The following RILPL2 variants were observed in gnomAD, a reference collection of about 807,000 sequenced individuals.
The protein encoded by RILPL2 is Rab interacting lysosomal protein like 2, also known as RILP-like protein 2.
Under a neutral mutation model 22.2 loss-of-function variants are expected in RILPL2, and 19 were observed. That is an observed-to-expected ratio of 0.86 (90% CI 0.60 to 1.25). The LOEUF is 1.25. Ranked by LOEUF, RILPL2 falls within the 50% of genes most tolerant of loss-of-function variation. The pLI is 0.00. For missense variants in RILPL2, 243 were observed against 263.6 expected (o/e 0.92, Z 0.54); for synonymous variants, 123 against 111.6 (o/e 1.10, Z -0.64).
At chr12:123,431,010 A>T (rs1454972310) in intron 1 of RILPL2, among the ~76,000 whole-genome samples, 1 of 151,916 alleles carries the variant, frequency 6.6e-6, no homozygotes, top group African/African-American at 2.4e-5. Flanking sequence ...ACGCCTGGCT[A>T]ATTTTGTATT....
intron 2 of RILPL2, among the ~76,000 whole-genome samples, 183 bp downstream of exon 2, chr12:123,430,325 C>T (rs1288488864): frequency 5.3e-5 from 8 of 151,966 alleles, no homozygotes; most frequent in South Asian, 4.1e-4. Context: ...AGGAGAATGG[C>T]GTGAACCCGG....
At chr12:123,423,716 C>T (rs375360353) in intron 2 of RILPL2, among the ~76,000 whole-genome samples, 64 of 151,346 alleles carry the variant, frequency 4.2e-4, no homozygotes, top group African/African-American at 1.4e-3. Flanking sequence ...TGCAGTGGCG[C>T]GATCTCGGCT....
rs377380800 is a variant in RILPL2, at chr12:123,432,341, G to GA, written c.340-1683dup. Among the ~76,000 whole-genome samples the GA allele has an allele frequency of 2.0e-3, 306 of 152,156 alleles. 1 individual carries two copies. The highest frequency in any genetic ancestry group is 7.1e-3 in the African/African-American group (296 of 41,534). On this transcript the variant is annotated intron_variant, in intron 1 of 3. Transcript: ENST00000280571. Reference sequence around the variant, plus strand: ...GACAACATGGGAAACCTCATCTCTAGAAAAAACACAAAAATTAGGTGGCCA... The same window carrying GA: ...GACAACATGGGAAACCTCATCTCTAGAAAAAAACACAAAAATTAGGTGGCCA...
chr12:123,417,292 C>T (rs1254594809), intron 3 of RILPL2, among the ~76,000 whole-genome samples: 5 of 149,778 alleles, frequency 3.3e-5, no homozygotes, highest in Non-Finnish European at 5.9e-5. Context: ...GAGTGAGACC[C>T]CATCTCAAAA....
rs757024616 is a variant in RILPL2 at position 123,430,690 on chromosome 12, A to G, written c.340-31T>C. On this transcript the variant is annotated intron_variant, in intron 1 of 3. Coordinates refer to ENST00000280571, the MANE Select transcript of RILPL2 (RefSeq NM_145058.3). ...AGAAAAGACGCAACCTTTGCAAGCAACTCTATATAATTAAATTATTATTAT... is the reference window on the plus strand; with the variant it reads ...AGAAAAGACGCAACCTTTGCAAGCAGCTCTATATAATTAAATTATTATTAT... The G allele has an allele frequency of 1.1e-5, 16 of 1,412,306 alleles. No homozygotes were observed. In the South Asian group the frequency reaches 2.5e-4, roughly 22 times the overall value. The allele number at this position is 1,412,306 out of a possible 1,614,324, so 87.5% of individuals were successfully genotyped here.
At chr12:123,430,341 A>G (rs61953486) in intron 2 of RILPL2, among the ~76,000 whole-genome samples, 167 bp downstream of exon 2, 41,414 of 151,522 alleles carry the variant, frequency 0.27, 6,791 homozygotes, top group Non-Finnish European at 0.36. Flanking sequence ...CCCGGGAGGC[A>G]GAGGTTGCAG....
At chr12:123,427,117 A>G (rs1281444823) in intron 2 of RILPL2, among the ~76,000 whole-genome samples, 9 of 151,888 alleles carry the variant, frequency 5.9e-5, no homozygotes, top group African/African-American at 2.2e-4. Flanking sequence ...CTGGCTTCTT[A>G]TGGTTGGCTC....
At chr12:123,410,622 T>C (rs1360569765), downstream of RILPL2, 3 of 152,032 alleles carry the variant, frequency 2.0e-5, no homozygotes, top group Non-Finnish European at 4.4e-5. Context: ...GGCAGGTACG[T>C]AGTCTCCTTG....
At chr12:123,426,338 G>A (rs1478265013) in intron 2 of RILPL2, among the ~76,000 whole-genome samples, 2 of 151,658 alleles carry the variant, frequency 1.3e-5, no homozygotes, top group Non-Finnish European at 2.9e-5. Context: ...TAGTATTGAC[G>A]GAGTTTTGCC....
chr12:123,430,467 GC>G, intron 2 of RILPL2, 40 bp downstream of exon 2: 1 of 1,525,530 alleles, frequency 6.6e-7, no homozygotes, highest in South Asian at 1.2e-5. Context: ...GGAATTCTGG[GC>G]CAGGTCTGGG....
At position 123,428,427 on chromosome 12, in the gene RILPL2, C is replaced by T. The variant is rs560548405; in HGVS notation, c.491+2081G>A. 2.4e-4 allele frequency among the ~76,000 whole-genome samples: 37 copies of T among 152,334 alleles called. 1 individual carries two copies. The South Asian group carries it at 2.9e-3, about 12-fold the overall frequency. On this transcript the variant is annotated intron_variant, in intron 2 of 3. Transcript: ENST00000280571. ...CTGGGATTACAGGCGTGAGCCACCG[C>T]GCCCGGCCCTGAATTACTTACTAAA... is the stretch of plus-strand genomic sequence containing the variant.
intron 3 of RILPL2, among the ~76,000 whole-genome samples, chr12:123,416,704 T>A (rs998002121): frequency 1.1e-4 from 17 of 152,188 alleles, no homozygotes; most frequent in African/African-American, 3.6e-4. Flanking sequence ...TAGTAGCTCA[T>A]TAAGTTTATC....
downstream of RILPL2, chr12:123,413,806 CG>C (rs1017065919): frequency 1.3e-5 from 2 of 152,210 alleles, no homozygotes; most frequent in Admixed American, 1.3e-4. Context: ...AGGTTCTCCA[CG>C]TCCCCACCAG....
intron 2 of RILPL2, among the ~76,000 whole-genome samples, chr12:123,427,662 C>T (rs1039841090): frequency 2.0e-5 from 3 of 152,006 alleles, no homozygotes; most frequent in Admixed American, 2.0e-4. Flanking sequence ...CTGCCTCAGC[C>T]TCCTGAACAG....
At chr12:123,419,606 CTTT>C (rs11361281) in intron 3 of RILPL2, among the ~76,000 whole-genome samples, 17 of 130,346 alleles carry the variant, frequency 1.3e-4, no homozygotes, top group Non-Finnish European at 2.1e-4. Context: ...TCCCTTTTTT[CTTT>C]TTTTTTTTTT....
chr12:123,417,590 C>T (rs1879152806), intron 3 of RILPL2, among the ~76,000 whole-genome samples: 4 of 146,922 alleles, frequency 2.7e-5, no homozygotes, highest in Non-Finnish European at 4.5e-5. Context: ...CTGAAAATTT[C>T]TTTTTTTTTT....
At position 123,415,560 on chromosome 12, in the gene RILPL2, G is replaced by A. The variant is rs1660; in HGVS notation, c.*331C>T. The A allele has an allele frequency of 0.05, 17,680 of 352,644 alleles. 929 individuals are homozygous for A. Among genetic ancestry groups the A allele is most frequent in the East Asian group, 0.23 (4,677 of 20,592 alleles). 21.8% of individuals were successfully genotyped at this position (352,644 alleles called of 1,614,324 possible). ...CATTGAAGACCAGGGTCATCCGTGG[G>A]AGCAGATGAGTAGGACACGCGTCTG... On this transcript the variant is annotated 3_prime_UTR_variant, in exon 4 of 4. Coordinates refer to ENST00000280571, the MANE Select transcript of RILPL2 (RefSeq NM_145058.3).
chr12:123,424,110 T>C (rs1258534103), intron 2 of RILPL2, among the ~76,000 whole-genome samples: 1 of 152,148 alleles, frequency 6.6e-6, no homozygotes, highest in African/African-American at 2.4e-5. Context: ...GATTGAGAGA[T>C]TATCTAAGAT....
At chr12:123,433,529 C>G (rs28469812) in intron 1 of RILPL2, among the ~76,000 whole-genome samples, 4,236 of 152,274 alleles carry the variant, frequency 0.028, 97 homozygotes, top group Non-Finnish European at 0.038. Context: ...ATTCTTGTGC[C>G]TCAGCCTCCG....
Sources: allele counts gnomAD v4.1 joint callset (sites outside exome capture counted in the v4.1 genomes callset), GRCh38; gene constraint gnomAD v4.1.1; transcripts MANE v1.5; gene names NCBI Gene and HGNC (gene_info 2026-07-23, HGNC 2026-07-21).